Variants in ABCA8 observed in about 807,000 individuals in gnomAD.
ABCA8 encodes ABC-type organic anion transporter ABCA8.
A neutral mutation model predicts 192.3 loss-of-function variants in ABCA8; 177 were observed. The observed-to-expected ratio is 0.92, with a 90% CI of 0.81 to 1.04. ABCA8 has a LOEUF of 1.04. ABCA8 is among the 50% of genes least tolerant of loss of function. The probability of loss-of-function intolerance (pLI) is 0.00; values close to 1 mark genes in which losing one functional copy is unlikely to be tolerated. For missense variants in ABCA8, 1,915 were observed against 1,904.8 expected, an observed-to-expected ratio of 1.01 and a Z score of -0.10; for synonymous variants, 642 against 690.2, an observed-to-expected ratio of 0.93 and a Z score of 1.09.
At chr17:68,901,279 C>T (rs965035049) in intron 21 of ABCA8, among the ~76,000 whole-genome samples, 26 of 87,662 alleles carry the variant, frequency 3.0e-4, no homozygotes, top group Non-Finnish European at 5.9e-4. Flanking sequence ...TTTATCATAA[C>T]ACTTAGAACT....
Position 68,877,611 on chromosome 17 carries a change from C to A in ABCA8, c.4107G>T (p.Ala1369=). 1 of 1,614,124 alleles carries A rather than the reference C, an allele frequency of 6.2e-7. No individual in the cohort carries two copies. The highest frequency in any genetic ancestry group is 8.5e-7 in the Non-Finnish European group (1 of 1,179,984). Residue 1369 remains alanine, a synonymous_variant, in exon 33 of 40, where the codon GCG becomes GCT. Coordinates refer to ENST00000586539, the MANE Select transcript of ABCA8 (RefSeq NM_001288985.2). ...EFLGYCPQEN[A]LWPNLTVRQH... ...GCCTCACTGTCAGGTTGGGCCACAG[C>A]GCGTTCTCCTGAGGGCAGTACCCCA... is the stretch of plus-strand genomic sequence containing the variant.
chr17:68,918,323 GA>G (rs1314693096), intron 15 of ABCA8, 103 bp downstream of exon 15: 2 of 1,473,842 alleles, frequency 1.4e-6, no homozygotes, highest in African/African-American at 2.8e-5. Context: ...GTTCTATTAT[GA>G]ATATTTTATA....
chr17:68,921,340 T>TA (rs1167206814), intron 13 of ABCA8, 42 bp downstream of exon 13: 1 of 1,444,410 alleles, frequency 6.9e-7, no homozygotes, highest in Admixed American at 1.8e-5. Flanking sequence ...CCCTAAAACT[T>TA]AAAGTATAAT....
intron 4 of ABCA8, 115 bp from the exon 5 acceptor site, chr17:68,937,230 T>C: frequency 1.1e-6 from 1 of 891,252 alleles, no homozygotes; most frequent in Non-Finnish European, 1.6e-6. Context: ...CATTATCAAG[T>C]ATTAACTTTT....
intron 2 of ABCA8, among the ~76,000 whole-genome samples, chr17:68,946,772 C>A (rs1298770961): frequency 6.6e-6 from 1 of 152,026 alleles, no homozygotes; most frequent in Non-Finnish European, 1.5e-5. Flanking sequence ...AACCCTGTCC[C>A]TACTAAAAAT....
chr17:68,928,863 A>G (rs964292955), intron 9 of ABCA8, among the ~76,000 whole-genome samples, 186 bp downstream of exon 9: 10 of 152,166 alleles, frequency 6.6e-5, no homozygotes, highest in African/African-American at 2.4e-4. Context: ...CACTTTCCAA[A>G]TGTCTTATTT....
chr17:68,929,835 T>C, intron 7 of ABCA8, 133 bp from the exon 8 acceptor site: 1 of 827,536 alleles, frequency 1.2e-6, no homozygotes, highest in Non-Finnish European at 1.8e-6. Flanking sequence ...ATTTATTGGG[T>C]GTTCTAAGAT....
intron 2 of ABCA8, among the ~76,000 whole-genome samples, chr17:68,947,552 G>C (rs2068445678): frequency 1.3e-5 from 2 of 152,128 alleles, no homozygotes; most frequent in Non-Finnish European, 2.9e-5. Context: ...TAAACTTGCT[G>C]ATAAAACCTT....
rs1325297563 is a variant in ABCA8, at chr17:68,933,242, A to G, written c.496T>C (p.Tyr166His). 1 of 1,612,650 alleles carries G rather than the reference A, an allele frequency of 6.2e-7. No individual in the cohort carries two copies. The highest frequency in any genetic ancestry group is 1.1e-5 in the South Asian group (1 of 90,952). Reference sequence around the variant, plus strand: ...TTCCAAAATACTGAAACTTCACAGTAAACATCTTCATTTGTTTCATAACAA... The same window carrying G: ...TTCCAAAATACTGAAACTTCACAGTGAACATCTTCATTTGTTTCATAACAA... ...AHCYETNEDV[Y>H]CEVSVFWKEG... The change falls in exon 6 of 40, where the codon TAC (tyrosine) becomes CAC (histidine). Residue 166 changes from tyrosine (Y) to histidine (H), a missense_variant. Tyr to His is a moderately conservative substitution (Grantham distance 83, BLOSUM62 2). Transcript: ENST00000586539.
chr17:68,902,269 T>A (rs895880466), intron 21 of ABCA8, among the ~76,000 whole-genome samples: 1 of 152,160 alleles, frequency 6.6e-6, no homozygotes, highest in Admixed American at 6.5e-5. Flanking sequence ...TGTAAATTTG[T>A]GATTGCTGAG....
chr17:68,920,835 C>G (rs1164514818), intron 13 of ABCA8, among the ~76,000 whole-genome samples: 2 of 151,968 alleles, frequency 1.3e-5, no homozygotes, highest in African/African-American at 2.4e-5. Context: ...TTTGACCCAG[C>G]CATCCCATTA....
At chr17:68,941,835 T>G (rs2068237382) in intron 3 of ABCA8, 104 bp downstream of exon 3, 3 of 716,210 alleles carry the variant, frequency 4.2e-6, no homozygotes, top group East Asian at 2.6e-5. Context: ...TATTTTAGTG[T>G]TTTTGGTGTA....
At chr17:68,935,564 ATATATT>A (rs1021276336) in intron 5 of ABCA8, among the ~76,000 whole-genome samples, 1 of 144,032 alleles carries the variant, frequency 6.9e-6, no homozygotes. Flanking sequence ...ATATATATAT[ATATATT>A]ATCTTCTTTA....
intron 37 of ABCA8, among the ~76,000 whole-genome samples, chr17:68,872,356 T>C (rs546404810): frequency 3.4e-5 from 5 of 147,340 alleles, no homozygotes; most frequent in East Asian, 2.0e-4. Context: ...CCGCATATTC[T>C]CACTCATAGG....
At chr17:68,931,679 T>C (rs2067881107) in intron 7 of ABCA8, 1 of 152,018 alleles carries the variant, frequency 6.6e-6, no homozygotes, top group Admixed American at 6.5e-5. Flanking sequence ...TTAGATAAAA[T>C]TGGGTCAGAG....
chr17:68,877,624 G>C lies in ABCA8; in HGVS notation c.4094C>G (p.Pro1365Arg). 6.2e-7 allele frequency: 1 copy of C among 1,614,044 alleles called. No individual in the cohort carries two copies. Among genetic ancestry groups the C allele is most frequent in the Admixed American group, 1.7e-5 (1 of 60,028 alleles). The change falls in exon 33 of 40, where the codon CCT becomes CGT. Residue 1365 changes from proline to arginine, a missense_variant. Physicochemically the swap from Pro to Arg is moderately radical, Grantham distance 103. Coordinates refer to ENST00000586539, the MANE Select transcript of ABCA8 (RefSeq NM_001288985.2). ...GTTGGGCCACAGCGCGTTCTCCTGA[G>C]GGCAGTACCCCAGGAACTCCAGGGC... ...GDALEFLGYC[P>R]QENALWPNLT... is the part of the protein sequence containing the mutation.
chr17:68,918,166 G>T lies in ABCA8; in HGVS notation c.1928C>A (p.Pro643Gln). The T allele has an allele frequency of 6.2e-7, 1 of 1,614,026 alleles. No homozygotes were observed. The highest frequency in any genetic ancestry group is 1.1e-5 in the South Asian group (1 of 91,062). ...TGAAAAGGGATCCAATCCAGCAGTTGGTTCATCCAACAGGAAAATCTATAA... is the reference window on the plus strand; with the variant it reads ...TGAAAAGGGATCCAATCCAGCAGTTTGTTCATCCAACAGGAAAATCTATAA... Reference protein sequence around the residue: ...GDPQIFLLDEPTAGLDPFSRH... With the variant: ...GDPQIFLLDEQTAGLDPFSRH... Residue 643 changes from proline (P) to glutamine (Q), a missense_variant, in exon 16 of 40, where the codon CCA (proline) becomes CAA (glutamine). Physicochemically the swap from Pro to Gln is moderately conservative, Grantham distance 76. Transcript: ENST00000586539.
intron 11 of ABCA8, among the ~76,000 whole-genome samples, chr17:68,924,040 A>T (rs1018193455): frequency 6.6e-6 from 1 of 152,138 alleles, no homozygotes; most frequent in Non-Finnish European, 1.5e-5. Flanking sequence ...AGGACAAAAA[A>T]TAGAAGAAAA....
intron 17 of ABCA8, 38 bp downstream of exon 17, chr17:68,917,323 A>T: frequency 7.8e-7 from 1 of 1,280,606 alleles, no homozygotes; most frequent in Non-Finnish European, 1.1e-6. Flanking sequence ...ATCAAGCCTT[A>T]CACTAGATCT....
Sources: gnomAD v4.1 joint callset for allele counts (sites outside exome capture counted in the v4.1 genomes callset) on GRCh38, gnomAD v4.1.1 for gene constraint, MANE v1.5 for transcripts, NCBI Gene and HGNC (gene_info 2026-07-23, HGNC 2026-07-21) for gene names.